RBM43: variants seen among roughly 807,000 people sequenced by gnomAD.
RBM43 encodes the protein RNA binding motif protein 43.
RBM43 carries 12 observed loss-of-function variants against 12.4 expected under a neutral mutation model. That is an observed-to-expected ratio of 0.97 (90% confidence interval 0.62 to 1.57). The LOEUF is 1.57. Ranked by LOEUF, RBM43 falls within the 40% of genes most tolerant of loss-of-function variation. RBM43 has a pLI of 0.00. For synonymous variants in RBM43, 138 were observed against 145.7 expected (o/e 0.95, Z 0.38); for missense variants, 348 against 400.1 (o/e 0.87, Z 1.11).
At position 151,261,578 on chromosome 2, in the gene RBM43, G is replaced by A. The variant is rs868163359; in HGVS notation, c.3+147C>T. On this transcript the variant is annotated intron_variant, in intron 1 of 3. Transcript: ENST00000331426. ...GTGGACGGCTCTCCGGGGCCCCCGGGGTCCCTGGGGCCCCTCCGTGCGCCG... is the reference window on the plus strand; with the variant it reads ...GTGGACGGCTCTCCGGGGCCCCCGGAGTCCCTGGGGCCCCTCCGTGCGCCG... 28 of 1,539,300 alleles carry A rather than the reference G, an allele frequency of 1.8e-5. No homozygotes were observed. In the Middle Eastern group the frequency reaches 9.1e-4, roughly 50 times the overall value.
chr2:151,252,899 A>G (rs2105189901), intron 2 of RBM43, 44 bp from the exon 3 acceptor site: 1 of 892,838 alleles, frequency 1.1e-6, no homozygotes, highest in East Asian at 2.5e-5. Context: ...GGCATGATAC[A>G]CTAATAATTT....
chr2:151,258,814 A>T (rs2105193550), intron 1 of RBM43, among the ~76,000 whole-genome samples: 1 of 152,300 alleles, frequency 6.6e-6, no homozygotes, highest in South Asian at 2.1e-4. Flanking sequence ...TAAAAATCAT[A>T]AGAAAACTAA....
chr2:151,260,544 A>AT (rs1683033042), intron 1 of RBM43, among the ~76,000 whole-genome samples: 1 of 152,250 alleles, frequency 6.6e-6, no homozygotes, highest in Non-Finnish European at 1.5e-5. Context: ...AAAATCAAAG[A>AT]AACTTCTCCC....
chr2:151,260,263 CT>C (rs139417998), intron 1 of RBM43, among the ~76,000 whole-genome samples: 3,379 of 151,980 alleles, frequency 0.022, 127 homozygotes, highest in African/African-American at 0.075. Context: ...GTAGCTGAGA[CT>C]ACAGGTGGAT....
In RBM43 at chr2:151,252,415, C is replaced by T. The variant is rs941880728; in HGVS notation, c.315+340G>A. On this transcript the variant is annotated intron_variant, in intron 3 of 3. Coordinates refer to ENST00000331426, the MANE Select transcript of RBM43 (RefSeq NM_198557.3). ...GTACACACCTATAGTCCCAGCTACT[C>T]GGGAGGTTGAGGCAGGAGAATCACC... 2.2e-4 allele frequency among the ~76,000 whole-genome samples: 33 copies of T among 152,106 alleles called. 1 individual carries two copies. The highest frequency in any genetic ancestry group is 1.2e-3 in the East Asian group (6 of 5,172).
Position 151,255,712 on chromosome 2 carries a change from G to T in RBM43, c.35C>A (p.Ala12Asp), listed in dbSNP as rs139002947. The T allele has an allele frequency of 1.1e-4, 175 of 1,613,784 alleles. No individual in the cohort carries two copies. In the African/African-American group the frequency reaches 2.1e-3, roughly 19 times the overall value. ...AGCAACTACAACCGTTCTTTCAGGA[G>T]CTTTGGATTCCTTGACATTCAAAAC... ...ASVLNVKESKAPERTVVVAGL... is the reference protein window; with the variant it reads ...ASVLNVKESKDPERTVVVAGL... Residue 12 changes from alanine to aspartate, a missense_variant, in exon 2 of 4, where the codon GCT becomes GAT. Transcript: ENST00000331426.
intron 2 of RBM43, among the ~76,000 whole-genome samples, chr2:151,255,148 C>T (rs1156537394): frequency 6.6e-6 from 1 of 152,164 alleles, no homozygotes; most frequent in Non-Finnish European, 1.5e-5. Flanking sequence ...GGCGTGGTGG[C>T]TCATGCCTGT....
Position 151,255,738 on chromosome 2 carries a change from T to C in RBM43, c.9A>G (p.Ser3=), listed in dbSNP as rs762907058. The change falls in exon 2 of 4, where the codon TCA becomes TCG. Residue 3 remains serine (S), a synonymous_variant. Coordinates refer to ENST00000331426, the MANE Select transcript of RBM43 (RefSeq NM_198557.3). MA[S]VLNVKESKAP... is the part of the protein sequence containing the mutation. The stretch of plus-strand genomic sequence containing the variant: ...CTTTGGATTCCTTGACATTCAAAAC[T>C]GATGCCTGTAAGAGAAACAGCAGGT... 1.6e-5 allele frequency: 26 copies of C among 1,610,666 alleles called. No homozygotes were observed. Among genetic ancestry groups the C allele is most frequent in the Non-Finnish European group, 5.1e-6 (6 of 1,177,208 alleles).
chr2:151,257,011 C>T (rs1363057961), intron 1 of RBM43, among the ~76,000 whole-genome samples: 2 of 152,152 alleles, frequency 1.3e-5, no homozygotes, highest in African/African-American at 2.4e-5. Flanking sequence ...TCTCTTTGAA[C>T]TTATATTATC....
rs75756325 is a variant in RBM43, at chr2:151,252,009, C to G, written c.316-345G>C. ...TTCCCCCAGGAGTCATTCCTGCCCC[C>G]AGTCAAGTTCATCAGATGGCTGCAT... is the stretch of plus-strand genomic sequence containing the variant. On this transcript the variant is annotated intron_variant, in intron 3 of 3. Transcript: ENST00000331426. 3.3e-5 allele frequency among the ~76,000 whole-genome samples: 5 copies of G among 152,306 alleles called. No individual in the cohort carries two copies. The East Asian group carries it at 9.6e-4, about 29-fold the overall frequency.
rs773717961 is a variant in RBM43, at chr2:151,251,603, T to C, written c.377A>G (p.Glu126Gly). The change falls in exon 4 of 4, where the codon GAA becomes GGA. Residue 126 changes from glutamate (E) to glycine (G), a missense_variant. By Grantham distance (98) the Glu-to-Gly change is moderately conservative (BLOSUM62 -2). Coordinates refer to ENST00000331426, the MANE Select transcript of RBM43 (RefSeq NM_198557.3). ...LSVFGKEVTL[E>G]TLVKDLKKKI... ...TTTTTTCAGGTCTTTTACCAGAGTT[T>C]CTAGAGTAACTTCTTTTCCAAAAAC... 1 of 1,613,624 alleles carries C rather than the reference T, an allele frequency of 6.2e-7. No individual in the cohort carries two copies. The highest frequency in any genetic ancestry group is 8.5e-7 in the Non-Finnish European group (1 of 1,179,868).
intron 1 of RBM43, among the ~76,000 whole-genome samples, chr2:151,257,821 G>A (rs1291298089): frequency 1.3e-5 from 2 of 152,216 alleles, no homozygotes; most frequent in African/African-American, 2.4e-5. Context: ...TGTAATCCCA[G>A]CACTTTGGGA....
At chr2:151,261,446 G>A (rs1274562404) in intron 1 of RBM43, 1 of 1,550,616 alleles carries the variant, frequency 6.4e-7, no homozygotes, top group Non-Finnish European at 8.7e-7. Flanking sequence ...CTAGTCCTGA[G>A]CCTCTGGAGC....
At chr2:151,254,357 A>C (rs1434590815) in intron 2 of RBM43, among the ~76,000 whole-genome samples, 1 of 152,026 alleles carries the variant, frequency 6.6e-6, no homozygotes, top group Non-Finnish European at 1.5e-5. Flanking sequence ...ATAAAATATT[A>C]ACTTTCAAAA....
At chr2:151,258,219 C>A (rs1485615158) in intron 1 of RBM43, among the ~76,000 whole-genome samples, 1 of 151,984 alleles carries the variant, frequency 6.6e-6, no homozygotes, top group Non-Finnish European at 1.5e-5. Context: ...AATAAAGGGA[C>A]CAAACCAAGG....
chr2:151,252,758 G>T lies in RBM43; in HGVS notation c.312C>A (p.Asp104Glu), dbSNP rs760815450. ...CACCTACAGCATCACACCTTACCTT[G>T]TCACCAAAATGAGAGACTCTGAGAG... ...TVSLRVSHFG[D>E]KIFSSVNAIL... The change falls in exon 3 of 4, where the codon GAC (aspartate) becomes GAA (glutamate). Residue 104 changes from aspartate (D) to glutamate (E), a missense_variant. By Grantham distance (45) the Asp-to-Glu change is conservative (BLOSUM62 2). Coordinates refer to ENST00000331426, the MANE Select transcript of RBM43 (RefSeq NM_198557.3). 6 of 1,567,084 alleles carry T rather than the reference G, an allele frequency of 3.8e-6. No individual in the cohort carries two copies. Among genetic ancestry groups the T allele is most frequent in the Non-Finnish European group, 5.3e-6 (6 of 1,137,724 alleles).
At chr2:151,253,766 G>A (rs886366857) in intron 2 of RBM43, among the ~76,000 whole-genome samples, 6 of 152,046 alleles carry the variant, frequency 3.9e-5, no homozygotes, top group East Asian at 3.9e-4. Context: ...AACTGGCCCC[G>A]GCTCCCCATC....
In RBM43 at chr2:151,260,005, A is replaced by G. The variant is rs964402105; in HGVS notation, c.3+1720T>C. Among the ~76,000 whole-genome samples, 6 of 152,160 alleles carry G rather than the reference A, an allele frequency of 3.9e-5. No individual in the cohort carries two copies. The East Asian group carries it at 9.7e-4, about 25-fold the overall frequency. Reference sequence around the variant, plus strand: ...CCCAGCCTCCTGAGTAGCTGGGACTACAGGCATCAGCCACCATGCCCGACT... The same window carrying G: ...CCCAGCCTCCTGAGTAGCTGGGACTGCAGGCATCAGCCACCATGCCCGACT... On this transcript the variant is annotated intron_variant, in intron 1 of 3. Coordinates refer to ENST00000331426, the MANE Select transcript of RBM43 (RefSeq NM_198557.3).
intron 1 of RBM43, 136 bp downstream of exon 1, chr2:151,261,580 TCCCTGGGGC>T (rs997120536): frequency 6.5e-7 from 1 of 1,537,344 alleles, no homozygotes; most frequent in African/African-American, 1.4e-5. Context: ...GCCCCCGGGG[TCCCTGGGGC>T]CCCTCCGTGC....
Sources: allele counts gnomAD v4.1 joint callset (sites outside exome capture counted in the v4.1 genomes callset), GRCh38; gene constraint gnomAD v4.1.1; transcripts MANE v1.5; gene names NCBI Gene and HGNC (gene_info 2026-07-23, HGNC 2026-07-21).